CDH12: variants seen among roughly 807,000 people sequenced by gnomAD.
The protein encoded by CDH12 is cadherin-12.
CDH12 carries 41 observed loss-of-function variants against 74.1 expected under a neutral mutation model. That is an observed-to-expected ratio of 0.55 (90% confidence interval 0.43 to 0.72). The LOEUF is 0.72. CDH12 is among the 30% of genes least tolerant of loss of function. The pLI is 0.00. For missense variants in CDH12, 945 were observed against 977.2 expected (o/e 0.97, Z 0.44); for synonymous variants, 399 against 355.0 (o/e 1.12, Z -1.39).
chr5:22,118,914 T>C (rs1217113124), intron 4 of CDH12, among the ~76,000 whole-genome samples: 2 of 152,132 alleles, frequency 1.3e-5, no homozygotes, highest in Non-Finnish European at 2.9e-5. Context: ...GATGAAGTTG[T>C]TAAGCAGGCC....
chr5:22,455,750 A>T (rs1170929606), intron 2 of CDH12, among the ~76,000 whole-genome samples: 2 of 152,208 alleles, frequency 1.3e-5, no homozygotes, highest in Admixed American at 1.3e-4. Context: ...ACTGAGGCCA[A>T]CATTTCATTT....
chr5:22,242,112 C>G (rs1033768075), intron 3 of CDH12, among the ~76,000 whole-genome samples: 1 of 152,052 alleles, frequency 6.6e-6, no homozygotes, highest in Non-Finnish European at 1.5e-5. Flanking sequence ...TTCACTTGAA[C>G]TAACTCAGAA....
chr5:22,679,473 G>GA (rs1299144937), intron 1 of CDH12, among the ~76,000 whole-genome samples: 1 of 151,572 alleles, frequency 6.6e-6, no homozygotes, highest in Non-Finnish European at 1.5e-5. Context: ...TAATTAGAAA[G>GA]AAAAAAAATG....
chr5:22,307,105 G>C (rs770653535), intron 3 of CDH12, among the ~76,000 whole-genome samples: 2 of 152,104 alleles, frequency 1.3e-5, no homozygotes, highest in African/African-American at 4.8e-5. Flanking sequence ...TTTGAGTCCT[G>C]AATGTGGAAA....
intron 3 of CDH12, among the ~76,000 whole-genome samples, chr5:22,401,011 A>G (rs939287347): frequency 5.9e-5 from 9 of 152,206 alleles, no homozygotes; most frequent in African/African-American, 2.2e-4. Context: ...ATACATTTGA[A>G]TATTTCCATA....
intron 3 of CDH12, among the ~76,000 whole-genome samples, chr5:22,313,509 A>C (rs1738476575): frequency 6.6e-6 from 1 of 152,162 alleles, no homozygotes; most frequent in African/African-American, 2.4e-5. Context: ...CTTTGTTCTA[A>C]AAGTCTCATT....
chr5:22,738,908 A>T (rs1744876840), intron 1 of CDH12, among the ~76,000 whole-genome samples: 1 of 152,066 alleles, frequency 6.6e-6, no homozygotes, highest in Non-Finnish European at 1.5e-5. Flanking sequence ...TCTCAACTCT[A>T]CAAGAATAAT....
At chr5:22,423,960 G>C (rs539854670) in intron 2 of CDH12, among the ~76,000 whole-genome samples, 5,156 of 122,378 alleles carry the variant, frequency 0.042, 331 homozygotes, top group African/African-American at 0.15. Context: ...CCGAGATCCC[G>C]CCACTGCACT....
intron 1 of CDH12, among the ~76,000 whole-genome samples, chr5:22,811,152 T>C (rs1374376863): frequency 6.6e-6 from 1 of 151,508 alleles, no homozygotes; most frequent in Non-Finnish European, 1.5e-5. Flanking sequence ...CAAATATACA[T>C]ATATATATAC....
intron 6 of CDH12, among the ~76,000 whole-genome samples, chr5:21,970,833 C>T (rs1455639957): frequency 1.6e-5 from 1 of 63,366 alleles, no homozygotes; most frequent in African/African-American, 6.9e-5. Context: ...GAGCAAGACT[C>T]TTTCTCAAAA....
chr5:21,781,617 G>A (rs1276064294), intron 11 of CDH12, among the ~76,000 whole-genome samples: 5 of 151,932 alleles, frequency 3.3e-5, no homozygotes, highest in African/African-American at 7.3e-5. Flanking sequence ...CCAGCTACTC[G>A]GTGGGTTGAG....
At chr5:22,450,614 T>G (rs946732510) in intron 2 of CDH12, among the ~76,000 whole-genome samples, 5 of 151,994 alleles carry the variant, frequency 3.3e-5, no homozygotes, top group Admixed American at 2.6e-4. Context: ...ATTTTTAAAT[T>G]TGTTATGTTA....
intron 5 of CDH12, among the ~76,000 whole-genome samples, chr5:22,011,990 CAA>C (rs1737324516): frequency 2.0e-5 from 3 of 151,952 alleles, no homozygotes; most frequent in African/African-American, 7.2e-5. Context: ...ACTTTTATCT[CAA>C]AAGAGTCAAC....
intron 3 of CDH12, among the ~76,000 whole-genome samples, chr5:22,340,813 A>C (rs1739816695): frequency 6.6e-6 from 1 of 152,180 alleles, no homozygotes; most frequent in Admixed American, 6.5e-5. Context: ...AGTTTACAAA[A>C]GTCTGAGTGT....
At chr5:21,784,995 C>CGT (rs1746122609) in intron 10 of CDH12, among the ~76,000 whole-genome samples, 2 of 152,098 alleles carry the variant, frequency 1.3e-5, no homozygotes, top group African/African-American at 4.8e-5. Flanking sequence ...CTGTGTCAAG[C>CGT]AAGTTCATCG....
intron 8 of CDH12, among the ~76,000 whole-genome samples, chr5:21,835,414 C>T (rs988924263): frequency 1.3e-5 from 2 of 151,430 alleles, no homozygotes; most frequent in African/African-American, 4.9e-5. Flanking sequence ...AATGAATTTA[C>T]ATCACAGAAC....
At chr5:22,752,863 C>T (rs976955718) in intron 1 of CDH12, among the ~76,000 whole-genome samples, 1 of 151,662 alleles carries the variant, frequency 6.6e-6, no homozygotes, top group Non-Finnish European at 1.5e-5. Context: ...CGTGAGCCAC[C>T]GCGCCCGGCA....
At chr5:21,994,008 T>C (rs1198983916) in intron 5 of CDH12, among the ~76,000 whole-genome samples, 1 of 151,600 alleles carries the variant, frequency 6.6e-6, no homozygotes, top group Admixed American at 6.6e-5. Flanking sequence ...CCTGCCAGTA[T>C]CCTCTCTCCA....
intron 10 of CDH12, among the ~76,000 whole-genome samples, chr5:21,797,705 G>T (rs182647371): frequency 2.0e-5 from 3 of 152,112 alleles, no homozygotes; most frequent in Non-Finnish European, 4.4e-5. Flanking sequence ...CTTACAGCAG[G>T]AGAATTTCTT....
Sources: gnomAD v4.1 joint callset for allele counts (sites outside exome capture counted in the v4.1 genomes callset) on GRCh38, gnomAD v4.1.1 for gene constraint, MANE v1.5 for transcripts, NCBI Gene and HGNC (gene_info 2026-07-23, HGNC 2026-07-21) for gene names.